PTPRD: variants seen among roughly 807,000 people sequenced by gnomAD.
PTPRD encodes the protein protein tyrosine phosphatase receptor type D.
PTPRD carries 34 observed loss-of-function variants against 214.5 expected under a neutral mutation model. The ratio of observed to expected loss-of-function variants is 0.16; its 90% CI spans 0.12 to 0.21. The LOEUF (loss-of-function observed/expected upper bound fraction) is 0.21. PTPRD is among the 10% of genes least tolerant of loss of function. PTPRD has a pLI of 1.00. For missense variants in PTPRD, 2,545 were observed against 2,398.7 expected, an observed-to-expected ratio of 1.06 and a Z score of -1.27; for synonymous variants, 1,128 against 845.7, an observed-to-expected ratio of 1.33 and a Z score of -5.79.
chr9:9,404,255 C>A (rs2072241250), intron 8 of PTPRD, among the ~76,000 whole-genome samples: 2 of 151,970 alleles, frequency 1.3e-5, no homozygotes, highest in South Asian at 4.1e-4. Flanking sequence ...CTTAAACATG[C>A]CTCCGGCTAC....
chr9:10,484,339 C>G (rs1473015579), intron 2 of PTPRD, among the ~76,000 whole-genome samples: 1 of 152,012 alleles, frequency 6.6e-6, no homozygotes, highest in East Asian at 1.9e-4. Context: ...TATTGTGTTA[C>G]AACATATACT....
intron 5 of PTPRD, among the ~76,000 whole-genome samples, chr9:9,802,081 C>A (rs548354758): frequency 6.6e-6 from 1 of 152,100 alleles, no homozygotes; most frequent in African/African-American, 2.4e-5. Context: ...TGCTTAATTG[C>A]GACTCAAGTT....
intron 14 of PTPRD, among the ~76,000 whole-genome samples, chr9:8,607,636 C>G (rs2095282508): frequency 6.6e-6 from 1 of 152,026 alleles, no homozygotes; most frequent in African/African-American, 2.4e-5. Context: ...GAGCGAGATT[C>G]TGTCTCGGAA....
At chr9:8,533,365 G>C (rs566331512) in intron 14 of PTPRD, among the ~76,000 whole-genome samples, 5 of 151,950 alleles carry the variant, frequency 3.3e-5, no homozygotes, top group Non-Finnish European at 7.4e-5. Flanking sequence ...GTTTGCCATG[G>C]TATTGGGAAA....
chr9:8,443,804 T>C (rs965869815), intron 34 of PTPRD, among the ~76,000 whole-genome samples: 1 of 152,108 alleles, frequency 6.6e-6, no homozygotes, highest in African/African-American at 2.4e-5. Flanking sequence ...TCTTACAACT[T>C]TCTTTGTACT....
chr9:10,238,856 C>G (rs2099637546), intron 3 of PTPRD, among the ~76,000 whole-genome samples: 1 of 151,850 alleles, frequency 6.6e-6, no homozygotes, highest in South Asian at 2.1e-4. Flanking sequence ...TGACTGTTCA[C>G]AGAAGCAGTA....
At chr9:9,180,758 A>G (rs944104248) in intron 10 of PTPRD, among the ~76,000 whole-genome samples, 1 of 152,100 alleles carries the variant, frequency 6.6e-6, no homozygotes. Context: ...ATTGGAGGAA[A>G]AGACAATTTA....
chr9:10,559,286 C>T lies in PTPRD; in HGVS notation c.-600+53112G>A, dbSNP rs146413882. 3.3e-3 allele frequency among the ~76,000 whole-genome samples: 506 copies of T among 152,152 alleles called. 2 individuals are homozygous for T. Among genetic ancestry groups the T allele is most frequent in the African/African-American group, 0.012 (491 of 41,526 alleles). ...AAGTCCTCTAAAATTTATTCATGCA[C>T]ATCCAAATGTATACAGACTTGCAAT... On this transcript the variant is annotated intron_variant, in intron 2 of 45. Transcript: ENST00000381196.
intron 8 of PTPRD, among the ~76,000 whole-genome samples, chr9:9,438,919 G>A (rs2086389550): frequency 6.6e-6 from 1 of 151,994 alleles, no homozygotes; most frequent in Non-Finnish European, 1.5e-5. Context: ...AACGCTCTAG[G>A]ACAGCATTTA....
intron 7 of PTPRD, among the ~76,000 whole-genome samples, chr9:9,664,752 T>C (rs545229415): frequency 6.6e-6 from 1 of 151,784 alleles, no homozygotes; most frequent in East Asian, 1.9e-4. Context: ...GCAGTCCATG[T>C]CATAAACTGA....
intron 4 of PTPRD, among the ~76,000 whole-genome samples, chr9:9,995,264 A>T (rs2096080009): frequency 6.6e-6 from 1 of 152,178 alleles, no homozygotes. Flanking sequence ...GGGCTTTTAT[A>T]GCATTCTCTA....
chr9:8,945,497 C>A (rs1185465775), intron 11 of PTPRD, among the ~76,000 whole-genome samples: 1 of 151,964 alleles, frequency 6.6e-6, no homozygotes, highest in East Asian at 1.9e-4. Context: ...TACTGCAATT[C>A]ATCTTGCTCG....
chr9:9,969,293 A>T (rs1587737821), intron 4 of PTPRD, among the ~76,000 whole-genome samples: 3 of 152,138 alleles, frequency 2.0e-5, no homozygotes, highest in African/African-American at 7.2e-5. Context: ...GCTGAACACT[A>T]GCAAGGACCA....
intron 8 of PTPRD, among the ~76,000 whole-genome samples, chr9:9,545,934 A>G (rs928019101): frequency 6.6e-6 from 1 of 151,806 alleles, no homozygotes; most frequent in African/African-American, 2.4e-5. Context: ...AGTATGGAAT[A>G]TCTTCCCACT....
intron 3 of PTPRD, among the ~76,000 whole-genome samples, chr9:10,204,294 T>C (rs993430632): frequency 3.3e-5 from 5 of 152,170 alleles, no homozygotes; most frequent in African/African-American, 1.2e-4. Context: ...AACAACTCAG[T>C]TTTGGTCAAC....
intron 44 of PTPRD, among the ~76,000 whole-genome samples, chr9:8,331,299 A>AGGTACCAACAATTCC (rs1840617255): frequency 6.6e-6 from 1 of 152,150 alleles, no homozygotes; most frequent in Non-Finnish European, 1.5e-5. Flanking sequence ...TTACTAGGGG[A>AGGTACCAACAATTCC]GGTACCAACA....
intron 14 of PTPRD, among the ~76,000 whole-genome samples, chr9:8,554,442 T>C (rs574797217): frequency 1.3e-5 from 2 of 152,274 alleles, no homozygotes; most frequent in African/African-American, 4.8e-5. Context: ...AAATGAGCTA[T>C]AAATAAATAT....
chr9:8,764,177 T>C (rs888998580), intron 11 of PTPRD, among the ~76,000 whole-genome samples: 2 of 152,228 alleles, frequency 1.3e-5, no homozygotes, highest in Non-Finnish European at 2.9e-5. Flanking sequence ...CATATGGCAT[T>C]ACATCAGATA....
intron 27 of PTPRD, among the ~76,000 whole-genome samples, chr9:8,488,086 G>C (rs568310732): frequency 6.6e-6 from 1 of 152,024 alleles, no homozygotes; most frequent in Non-Finnish European, 1.5e-5. Context: ...TTACAGTAAT[G>C]GGAAACAGGT....
Sources: allele counts gnomAD v4.1 joint callset (sites outside exome capture counted in the v4.1 genomes callset), GRCh38; gene constraint gnomAD v4.1.1; transcripts MANE v1.5; gene names NCBI Gene and HGNC (gene_info 2026-07-23, HGNC 2026-07-21).